CSMD1: variants seen among roughly 807,000 people sequenced by gnomAD.
CSMD1 encodes the protein CUB and sushi domain-containing protein 1.
CSMD1 carries 213 observed loss-of-function variants against 417.5 expected under a neutral mutation model. The ratio of observed to expected loss-of-function variants is 0.51; its 90% CI spans 0.46 to 0.57. The LOEUF is 0.57. CSMD1 is among the 20% of genes least tolerant of loss of function. The probability of loss-of-function intolerance (pLI) is 0.00; values close to 1 mark genes in which losing one functional copy is unlikely to be tolerated. For missense variants in CSMD1, 6,923 were observed against 4,529.7 expected (o/e 1.53, Z -15.17); for synonymous variants, 2,862 against 1,736.8 (o/e 1.65, Z -16.11).
At chr8:3,881,035 G>C (rs1408680172) in intron 5 of CSMD1, among the ~76,000 whole-genome samples, 3 of 152,002 alleles carry the variant, frequency 2.0e-5, no homozygotes, top group Non-Finnish European at 4.4e-5. Context: ...TATCAATAAA[G>C]CCTCAACTAT....
chr8:4,917,439 C>G (rs1013422695), intron 1 of CSMD1, among the ~76,000 whole-genome samples: 4 of 152,086 alleles, frequency 2.6e-5, no homozygotes, highest in Non-Finnish European at 5.9e-5. Context: ...TCGAGACCAC[C>G]CTGGCTAACA....
At chr8:3,005,577 A>C (rs191752218) in intron 52 of CSMD1, among the ~76,000 whole-genome samples, 1 of 152,330 alleles carries the variant, frequency 6.6e-6, no homozygotes, top group Non-Finnish European at 1.5e-5. Context: ...ATCCACCATG[A>C]TCAAGTGGGC....
intron 7 of CSMD1, among the ~76,000 whole-genome samples, chr8:3,698,292 A>G (rs76156550): frequency 6.6e-6 from 1 of 152,332 alleles, no homozygotes; most frequent in Non-Finnish European, 1.5e-5. Flanking sequence ...ACAATCTACT[A>G]CATTTGTTTT....
At chr8:3,903,274 C>T (rs1030831253) in intron 5 of CSMD1, among the ~76,000 whole-genome samples, 9 of 152,028 alleles carry the variant, frequency 5.9e-5, no homozygotes, top group South Asian at 2.1e-4. Flanking sequence ...GGTTTTCTTG[C>T]CTCTGTCCCA....
intron 5 of CSMD1, among the ~76,000 whole-genome samples, chr8:3,913,126 G>C (rs1028860079): frequency 2.0e-5 from 3 of 152,100 alleles, no homozygotes; most frequent in African/African-American, 7.2e-5. Flanking sequence ...GTGGGGTTTT[G>C]GCACCTTGAA....
chr8:3,533,815 CT>C (rs973290182), intron 10 of CSMD1, among the ~76,000 whole-genome samples: 2 of 152,140 alleles, frequency 1.3e-5, no homozygotes, highest in Admixed American at 6.5e-5. Context: ...TGAAAGTTCA[CT>C]TTTTTTCTCC....
intron 3 of CSMD1, among the ~76,000 whole-genome samples, chr8:4,201,366 A>G (rs1018192809): frequency 9.9e-5 from 15 of 152,060 alleles, no homozygotes; most frequent in African/African-American, 1.9e-4. Flanking sequence ...GTGAAACCCC[A>G]TCTCTACTAA....
chr8:3,377,615 G>C (rs754598268), intron 18 of CSMD1, among the ~76,000 whole-genome samples: 45 of 152,124 alleles, frequency 3.0e-4, no homozygotes, highest in Non-Finnish European at 5.3e-4. Flanking sequence ...CCTTCACTCA[G>C]TTTCCATTAA....
At chr8:3,460,205 T>G (rs547021415) in intron 12 of CSMD1, among the ~76,000 whole-genome samples, 3 of 152,016 alleles carry the variant, frequency 2.0e-5, no homozygotes, top group Non-Finnish European at 4.4e-5. Context: ...AACTCTGAGA[T>G]GAGACGGGAA....
intron 3 of CSMD1, among the ~76,000 whole-genome samples, chr8:4,408,274 A>C (rs1472999282): frequency 6.6e-6 from 1 of 152,188 alleles, no homozygotes; most frequent in Non-Finnish European, 1.5e-5. Flanking sequence ...AAAGAATATA[A>C]GGTTATATTA....
chr8:4,344,226 C>T (rs1800647602), intron 3 of CSMD1, among the ~76,000 whole-genome samples: 4 of 152,064 alleles, frequency 2.6e-5, no homozygotes, highest in Non-Finnish European at 5.9e-5. Flanking sequence ...CTCTGTTTTC[C>T]CAAAGGTGCC....
chr8:3,133,903 G>T (rs895248094), intron 41 of CSMD1, among the ~76,000 whole-genome samples: 1 of 152,190 alleles, frequency 6.6e-6, no homozygotes, highest in Non-Finnish European at 1.5e-5. Flanking sequence ...GGCCGGGCGC[G>T]GTGGCTCACG....
chr8:4,047,559 G>C (rs1489400115), intron 3 of CSMD1, among the ~76,000 whole-genome samples: 1 of 150,574 alleles, frequency 6.6e-6, no homozygotes, highest in Non-Finnish European at 1.5e-5. Context: ...AATATTTATA[G>C]AATGCAAATT....
At chr8:4,828,562 C>G (rs1426420649) in intron 1 of CSMD1, among the ~76,000 whole-genome samples, 2 of 152,148 alleles carry the variant, frequency 1.3e-5, no homozygotes, top group Admixed American at 1.3e-4. Context: ...TGCTCTTTCA[C>G]AAACTCCAGA....
chr8:4,630,459 A>T (rs1352556472), intron 2 of CSMD1, among the ~76,000 whole-genome samples: 1 of 151,490 alleles, frequency 6.6e-6, no homozygotes, highest in African/African-American at 2.5e-5. Flanking sequence ...ACTCAAAAAC[A>T]AAACAAAACA....
chr8:3,651,653 C>T (rs922859382), intron 7 of CSMD1, among the ~76,000 whole-genome samples: 2 of 152,114 alleles, frequency 1.3e-5, no homozygotes, highest in Admixed American at 1.3e-4. Flanking sequence ...GAGCACTTAG[C>T]AGCAATAGCG....
intron 25 of CSMD1, 51 bp from the exon 26 acceptor site, chr8:3,284,397 G>T: frequency 7.1e-7 from 1 of 1,404,522 alleles, no homozygotes; most frequent in East Asian, 2.3e-5. Flanking sequence ...AGCATGTCCT[G>T]ACCCCATAGC....
chr8:4,277,708 T>G (rs1563377016), intron 3 of CSMD1, among the ~76,000 whole-genome samples: 1 of 152,164 alleles, frequency 6.6e-6, no homozygotes, highest in Non-Finnish European at 1.5e-5. Flanking sequence ...CTCCTTAAAG[T>G]GTTAACATAA....
At chr8:4,081,364 T>A (rs1800122971) in intron 3 of CSMD1, among the ~76,000 whole-genome samples, 2 of 152,198 alleles carry the variant, frequency 1.3e-5, no homozygotes, top group East Asian at 3.9e-4. Context: ...TTGTGTGAAT[T>A]ACAAACTGTG....
Sources: gnomAD v4.1 joint callset for allele counts (sites outside exome capture counted in the v4.1 genomes callset) on GRCh38, gnomAD v4.1.1 for gene constraint, MANE v1.5 for transcripts, NCBI Gene and HGNC (gene_info 2026-07-23, HGNC 2026-07-21) for gene names.